DISC1: variants seen among roughly 807,000 people sequenced by gnomAD.
DISC1 encodes the protein DISC1 scaffold protein.
In DISC1, 57 loss-of-function variants were observed where a neutral mutation model predicts 84.5. The observed-to-expected ratio is 0.67, with a 90% confidence interval of 0.55 to 0.84. DISC1 has a LOEUF of 0.84. DISC1 is among the 40% of genes least tolerant of loss of function. The pLI, the probability that DISC1 is intolerant of heterozygous loss-of-function variation, is 0.00. For synonymous variants in DISC1, 411 were observed against 415.2 expected (o/e 0.99, Z 0.12); for missense variants, 1,000 against 1,057.8 (o/e 0.95, Z 0.76).
chr1:231,931,644 G>GT (rs2090661864), intron 9 of DISC1, among the ~76,000 whole-genome samples: 2 of 114,252 alleles, frequency 1.8e-5, no homozygotes, highest in Non-Finnish European at 3.6e-5. Flanking sequence ...CACTGCTTGT[G>GT]ATTTTTTTTT....
In DISC1 at chr1:232,036,804, A is replaced by G; in HGVS notation, c.2538A>G (p.Thr846=). Residue 846 remains threonine (T), a synonymous_variant, in exon 13 of 13, where the codon ACA becomes ACG. Transcript: ENST00000439617. The part of the protein sequence containing the change: ...GEREAAASCM[T]AGVHEAQA ...GAGAAGCTGCAGCTTCCTGCATGAC[A>G]GCTGGTGTCCACGAAGCACAAGCCT... The G allele has an allele frequency of 6.3e-7, 1 of 1,588,344 alleles. No homozygotes were observed. Among genetic ancestry groups the G allele is most frequent in the Non-Finnish European group, 8.6e-7 (1 of 1,164,178 alleles).
At chr1:231,950,249 A>T (rs1300235975) in intron 9 of DISC1, among the ~76,000 whole-genome samples, 3 of 95,806 alleles carry the variant, frequency 3.1e-5, no homozygotes, top group East Asian at 8.1e-4. Flanking sequence ...TGTGTGTGTG[A>T]TGCCCATATT....
At position 231,694,441 on chromosome 1, in the gene DISC1, G is replaced by A. The variant is rs1259047839; in HGVS notation, c.683G>A (p.Gly228Asp). 4.3e-6 allele frequency: 7 copies of A among 1,614,270 alleles called. No homozygotes were observed. The East Asian group carries it at 1.6e-4, about 36-fold the overall frequency. ...GSAGERGEAE[G>D]CPPSREAESH... Reference sequence around the variant, plus strand: ...GCCGGGGAACGTGGAGAAGCAGAAGGCTGCCCACCATCCAGAGAGGCTGAG... The same window carrying A: ...GCCGGGGAACGTGGAGAAGCAGAAGACTGCCCACCATCCAGAGAGGCTGAG... The change falls in exon 2 of 13, where the codon GGC becomes GAC. Residue 228 changes from glycine (G) to aspartate (D), a missense_variant. By Grantham distance (94) the Gly-to-Asp change is moderately conservative. Coordinates refer to ENST00000439617, the MANE Select transcript of DISC1 (RefSeq NM_018662.3).
intron 6 of DISC1, chr1:231,774,965 T>TTAC (rs1160618794): frequency 5.8e-6 from 2 of 346,386 alleles, no homozygotes; most frequent in Non-Finnish European, 1.1e-5. Flanking sequence ...TGAACCCATC[T>TTAC]TACATACATC....
rs1363022426 is a variant in DISC1, at chr1:231,897,747, G to A, written c.1982-61081G>A. Among the ~76,000 whole-genome samples, 1 of 152,178 alleles carries A rather than the reference G, an allele frequency of 6.6e-6. No homozygotes were observed. Among genetic ancestry groups the A allele is most frequent in the East Asian group, 1.9e-4 (1 of 5,200 alleles). ...TTACTTCACACTTGATCACTGGCATGTTCAAGAACAGATAGAGCTTTGTCT... is the reference window on the plus strand; with the variant it reads ...TTACTTCACACTTGATCACTGGCATATTCAAGAACAGATAGAGCTTTGTCT... On this transcript the variant is annotated intron_variant, in intron 9 of 12. Coordinates refer to ENST00000439617, the MANE Select transcript of DISC1 (RefSeq NM_018662.3). The surrounding 1 kb of genome is among the most constrained non-coding windows in gnomAD (Gnocchi z 4.5).
At chr1:231,824,089 C>T (rs772707872) in intron 9 of DISC1, among the ~76,000 whole-genome samples, 4 of 152,212 alleles carry the variant, frequency 2.6e-5, no homozygotes, top group Non-Finnish European at 4.4e-5. Context: ...AGAACATATC[C>T]TGTACACTCA....
chr1:231,981,026 A>G (rs1372564852), intron 10 of DISC1, among the ~76,000 whole-genome samples: 2 of 152,232 alleles, frequency 1.3e-5, no homozygotes, highest in Non-Finnish European at 2.9e-5. Flanking sequence ...AGCTCACTGC[A>G]GCCTCAACCT....
intron 3 of DISC1, among the ~76,000 whole-genome samples, chr1:231,716,041 G>T (rs750463545): frequency 6.6e-6 from 1 of 152,148 alleles, no homozygotes; most frequent in Non-Finnish European, 1.5e-5. Flanking sequence ...TGGGTGGAAG[G>T]TTAAATGTGA....
intron 6 of DISC1, among the ~76,000 whole-genome samples, chr1:231,781,378 T>C (rs1437885903): frequency 3.3e-5 from 5 of 152,254 alleles, no homozygotes; most frequent in African/African-American, 1.2e-4. Flanking sequence ...ATTATTATTG[T>C]TTAGGTAGCT....
intron 3 of DISC1, among the ~76,000 whole-genome samples, chr1:231,740,802 A>T (rs1483854072): frequency 6.6e-6 from 1 of 152,250 alleles, no homozygotes; most frequent in Non-Finnish European, 1.5e-5. Flanking sequence ...AAATTTCAAA[A>T]TAATTTTGCA....
At chr1:231,811,128 A>G (rs2080252118) in intron 8 of DISC1, among the ~76,000 whole-genome samples, 1 of 152,194 alleles carries the variant, frequency 6.6e-6, no homozygotes, top group Non-Finnish European at 1.5e-5. Flanking sequence ...TGGCTGTCTG[A>G]AATGTTTGAT....
chr1:231,641,414 T>G (rs893759415), intron 1 of DISC1, among the ~76,000 whole-genome samples: 1 of 151,878 alleles, frequency 6.6e-6, no homozygotes, highest in South Asian at 2.1e-4. Context: ...GAGTCGTTCG[T>G]TCCTCCTTGT....
intron 9 of DISC1, among the ~76,000 whole-genome samples, chr1:231,878,623 A>G (rs1337524407): frequency 2.0e-5 from 3 of 152,032 alleles, no homozygotes; most frequent in Non-Finnish European, 4.4e-5. Context: ...TGTCATTGTC[A>G]TTTTTTTTAA....
chr1:231,995,384 C>T (rs966073689), intron 10 of DISC1, among the ~76,000 whole-genome samples: 4 of 151,748 alleles, frequency 2.6e-5, no homozygotes, highest in African/African-American at 9.7e-5. Flanking sequence ...TACATGTGCA[C>T]AATGTGCAGG....
rs563117087 is a variant in DISC1 at position 231,920,545 on chromosome 1, C to T, written c.1982-38283C>T. 2.0e-5 allele frequency among the ~76,000 whole-genome samples: 3 copies of T among 152,274 alleles called. No individual in the cohort carries two copies. In the East Asian group the frequency reaches 5.8e-4, roughly 29 times the overall value. On this transcript the variant is annotated intron_variant, in intron 9 of 12. Transcript: ENST00000439617. ...TTGCCCTTTTGTGTCTGTCTTATTT[C>T]ACTTAGTGTAACGTCCTTAAGGTTT...
intron 1 of DISC1, among the ~76,000 whole-genome samples, chr1:231,690,304 G>A (rs2064838569): frequency 6.6e-6 from 1 of 152,186 alleles, no homozygotes; most frequent in African/African-American, 2.4e-5. Context: ...GAGTCCTCGA[G>A]CAGCAGAGAA....
chr1:231,771,668 G>A, intron 6 of DISC1: 1 of 824,884 alleles, frequency 1.2e-6, no homozygotes, highest in African/African-American at 1.9e-5. Context: ...ATTAATAAGA[G>A]AGAAAACTGA....
intron 3 of DISC1, among the ~76,000 whole-genome samples, chr1:231,745,250 T>C (rs1207061794): frequency 1.3e-5 from 2 of 151,940 alleles, no homozygotes; most frequent in Non-Finnish European, 2.9e-5. Context: ...GAGACGTAGT[T>C]TTCCTCTGTT....
intron 9 of DISC1, among the ~76,000 whole-genome samples, chr1:231,929,520 A>G (rs915960027): frequency 6.6e-5 from 10 of 152,198 alleles, no homozygotes; most frequent in African/African-American, 2.2e-4. Context: ...ATGAGCCCTC[A>G]TGGCACTGCG....
Sources: gnomAD v4.1 joint callset for allele counts (sites outside exome capture counted in the v4.1 genomes callset) on GRCh38, gnomAD v4.1.1 for gene constraint, Gnocchi (gnomAD v3.1) non-coding constraint, MANE v1.5 for transcripts, NCBI Gene and HGNC (gene_info 2026-07-23, HGNC 2026-07-21) for gene names.